Variants in EMSY observed in about 807,000 individuals in gnomAD.
EMSY encodes the protein EMSY transcriptional repressor, BRCA2 interacting, also known as BRCA2-interacting transcriptional repressor EMSY.
Under a neutral mutation model 134.6 loss-of-function variants are expected in EMSY, and 26 were observed. The observed-to-expected ratio is 0.19, with a 90% CI of 0.14 to 0.27. The LOEUF is 0.27. Ranked by LOEUF, EMSY falls within the 10% of genes least tolerant of loss-of-function variation. The pLI is 1.00. For synonymous variants in EMSY, 579 were observed against 577.8 expected, an observed-to-expected ratio of 1.00 and a Z score of -0.03; for missense variants, 1,305 against 1,611.4, an observed-to-expected ratio of 0.81 and a Z score of 3.26.
Position 76,526,406 on chromosome 11 carries a change from G to A in EMSY, c.1822-56G>A, listed in dbSNP as rs1950848007. ...AACCTTACTGATTTTTCAGTGAGAG[G>A]ACTTTATCATTTATATGCATATAAA... On this transcript the variant is annotated intron_variant, in intron 12 of 20. Coordinates refer to ENST00000334736, the Ensembl canonical transcript of EMSY. 3.8e-6 allele frequency: 5 copies of A among 1,310,884 alleles called. No individual in the cohort carries two copies. In the Admixed American group the frequency reaches 1.0e-4, roughly 26 times the overall value. The allele number at this position is 1,310,884 out of a possible 1,614,324, so 81.2% of individuals were successfully genotyped here. A position where few individuals can be genotyped will look rare whatever the true frequency, so the allele number is the denominator to read the frequency against.
chr11:76,498,845 A>G (rs1006533787), intron 9 of EMSY, among the ~76,000 whole-genome samples: 3 of 152,212 alleles, frequency 2.0e-5, no homozygotes, highest in African/African-American at 7.2e-5. Context: ...TCATGTTCAC[A>G]TAGTGTATTT....
At chr11:76,446,861 G>T in intron 1 of EMSY, 39 bp from the exon 2 acceptor site, 1 of 1,416,136 alleles carries the variant, frequency 7.1e-7, no homozygotes, top group South Asian at 1.2e-5. Flanking sequence ...ATGTACTTTG[G>T]TACTTTGGTA....
intron 2 of EMSY, among the ~76,000 whole-genome samples, chr11:76,451,637 C>G (rs141488472): frequency 5.9e-4 from 89 of 151,874 alleles, no homozygotes; most frequent in African/African-American, 2.1e-3. Context: ...ATTTTTCTAC[C>G]TAAACATTTT....
intron 4 of EMSY, 48 bp downstream of exon 5, chr11:76,454,838 T>A (rs939905954): frequency 1.5e-6 from 2 of 1,327,306 alleles, no homozygotes. Flanking sequence ...TGTATTTATT[T>A]CCAAATTGAA....
chr11:76,503,058 T>G (rs536961699), intron 9 of EMSY, among the ~76,000 whole-genome samples: 1 of 151,992 alleles, frequency 6.6e-6, no homozygotes, highest in South Asian at 2.1e-4. Context: ...TCCAGCACTT[T>G]GTGGGGCTGA....
chr11:76,506,654 C>G (rs1385494986), intron 9 of EMSY, among the ~76,000 whole-genome samples: 1 of 152,144 alleles, frequency 6.6e-6, no homozygotes, highest in East Asian at 1.9e-4. Flanking sequence ...GAAAAAAATA[C>G]TGAGATAACA....
At chr11:76,491,013 C>T (rs1204418909) in intron 8 of EMSY, among the ~76,000 whole-genome samples, 1 of 151,994 alleles carries the variant, frequency 6.6e-6, no homozygotes, top group East Asian at 1.9e-4. Flanking sequence ...TCTATTATCT[C>T]GAATATACTT....
At chr11:76,528,657 A>C (rs1043198851) in intron 14 of EMSY, among the ~76,000 whole-genome samples, 191 bp downstream of exon 15, 2 of 144,416 alleles carry the variant, frequency 1.4e-5, no homozygotes, top group Admixed American at 1.4e-4. Flanking sequence ...AAAGGTTACC[A>C]TTCTTTCCTG....
At chr11:76,521,146 G>A (rs963814255) in intron 11 of EMSY, among the ~76,000 whole-genome samples, 1 of 152,142 alleles carries the variant, frequency 6.6e-6, no homozygotes. Context: ...GGTAGGTAAC[G>A]GGAAGCCATA....
chr11:76,497,951 A>G (rs1040426629), intron 9 of EMSY, among the ~76,000 whole-genome samples: 1 of 152,164 alleles, frequency 6.6e-6, no homozygotes, highest in Non-Finnish European at 1.5e-5. Flanking sequence ...CTTAGCATTT[A>G]GTTCCATCTA....
intron 14 of EMSY, among the ~76,000 whole-genome samples, chr11:76,529,471 T>G (rs1050942271): frequency 1.3e-5 from 2 of 152,192 alleles, no homozygotes; most frequent in East Asian, 1.9e-4. Context: ...TGACAATTAT[T>G]TATTAGTTTA....
At chr11:76,445,498 G>A (rs1435987726) in intron 1 of EMSY, among the ~76,000 whole-genome samples, 1 of 152,160 alleles carries the variant, frequency 6.6e-6, no homozygotes, top group Admixed American at 6.5e-5. Context: ...TGGGACCGGC[G>A]CCGAGAGGTC....
chr11:76,493,318 C>T (rs1322268540), intron 8 of EMSY, among the ~76,000 whole-genome samples: 1 of 152,180 alleles, frequency 6.6e-6, no homozygotes, highest in Non-Finnish European at 1.5e-5. Flanking sequence ...TGATAAGGGC[C>T]TGCAGGCGCC....
rs61741528 is a variant in EMSY at position 76,463,865 on chromosome 11, C to A, written c.616C>A (p.Arg206=). Reference sequence around the variant, plus strand: ...AGATGAAAAACCCAGAAAACGAAGGCGAACAAACTCTTCCAGCTCCTCTCC... The same window carrying A: ...AGATGAAAAACCCAGAAAACGAAGGAGAACAAACTCTTCCAGCTCCTCTCC... The change falls in exon 7 of 21, where the codon CGA becomes AGA. Residue 206 remains arginine (R), a synonymous_variant. Transcript: ENST00000334736. 2.6e-3 allele frequency: 4,185 copies of A among 1,614,096 alleles called. 61 individuals are homozygous for A. The African/African-American group carries it at 0.041, about 16-fold the overall frequency.
chr11:76,464,120 T>C (rs1006724293), intron 7 of EMSY, 40 bp downstream of exon 8: 4 of 1,609,954 alleles, frequency 2.5e-6, no homozygotes, highest in Non-Finnish European at 3.4e-6. Context: ...AATTGTTTCT[T>C]TCAGACAGTA....
At chr11:76,549,861 T>G in intron 20 of EMSY, 91 bp from the exon 22 acceptor site, 4 of 1,249,920 alleles carry the variant, frequency 3.2e-6, no homozygotes, top group Non-Finnish European at 4.4e-6. Context: ...AAAATGTCAG[T>G]TTTCTTTTTT....
At chr11:76,458,291 T>G in exon 5 of EMSY, 1 of 1,614,058 alleles carries the variant, frequency 6.2e-7, no homozygotes, top group Non-Finnish European at 8.5e-7. Flanking sequence ...CAGCTAATGC[T>G]GTTGCTAATG....
intron 8 of EMSY, among the ~76,000 whole-genome samples, chr11:76,494,724 TTCCTTCCTTCCTTTCCTTCCTTCCTTTCC>T: frequency 2.0e-5 from 1 of 50,084 alleles, no homozygotes. Flanking sequence ...CCTTCCTTCC[TTCCTTCCTTCCTTTCCTTCCTTCCTTTCC>T]TTCCTTTCCT....
intron 16 of EMSY, 130 bp downstream of exon 17, chr11:76,538,080 C>A: frequency 1.3e-6 from 1 of 781,396 alleles, no homozygotes; most frequent in Non-Finnish European, 1.9e-6. Context: ...AGAGCAAATT[C>A]ACACCATCCT....
Sources: gnomAD v4.1 joint callset for allele counts (sites outside exome capture counted in the v4.1 genomes callset) on GRCh38, gnomAD v4.1.1 for gene constraint, MANE v1.5 for transcripts, NCBI Gene and HGNC (gene_info 2026-07-23, HGNC 2026-07-21) for gene names.